Variants in TMC1 observed in about 807,000 individuals in gnomAD.
TMC1 encodes the protein transmembrane channel like 1, also known as transmembrane channel-like protein 1.
In TMC1, 84 loss-of-function variants were observed where a neutral mutation model predicts 105.8. The observed-to-expected ratio is 0.79, with a 90% CI of 0.67 to 0.95. The LOEUF is 0.95. Ranked by LOEUF, TMC1 falls within the 40% of genes least tolerant of loss-of-function variation. TMC1 has a pLI of 0.00. For synonymous variants in TMC1, 315 were observed against 311.5 expected (o/e 1.01, Z -0.12); for missense variants, 817 against 914.1 (o/e 0.89, Z 1.37).
At chr9:72,600,542 G>A (rs534470454) in intron 2 of TMC1, among the ~76,000 whole-genome samples, 4 of 152,132 alleles carry the variant, frequency 2.6e-5, no homozygotes, top group Admixed American at 6.5e-5. Flanking sequence ...GAATATGGTC[G>A]TTTGGTGTTA....
At chr9:72,737,605 A>T (rs1294842235) in intron 8 of TMC1, among the ~76,000 whole-genome samples, 1 of 152,148 alleles carries the variant, frequency 6.6e-6, no homozygotes, top group African/African-American at 2.4e-5. Flanking sequence ...ATAGAGACAG[A>T]TCCCAGAGAC....
chr9:72,690,942 A>T (rs1304230293), intron 6 of TMC1, among the ~76,000 whole-genome samples: 1 of 151,608 alleles, frequency 6.6e-6, no homozygotes, highest in Non-Finnish European at 1.5e-5. Flanking sequence ...CTCCTTCAGA[A>T]CTCCCATAGT....
At chr9:72,773,716 A>G (rs1407586412) in intron 13 of TMC1, among the ~76,000 whole-genome samples, 1 of 152,180 alleles carries the variant, frequency 6.6e-6, no homozygotes, top group Non-Finnish European at 1.5e-5. Flanking sequence ...CCTCATGAGT[A>G]TCATTTCTGT....
At chr9:72,619,406 G>A (rs1424081257) in intron 3 of TMC1, among the ~76,000 whole-genome samples, 1 of 152,094 alleles carries the variant, frequency 6.6e-6, no homozygotes, top group Non-Finnish European at 1.5e-5. Context: ...ACAATATGCT[G>A]TAAAACACAC....
chr9:72,649,258 T>C (rs1825763307), intron 5 of TMC1, among the ~76,000 whole-genome samples: 1 of 152,208 alleles, frequency 6.6e-6, no homozygotes, highest in Non-Finnish European at 1.5e-5. Context: ...ATGTGTGGCA[T>C]GTTCATTCAT....
chr9:72,658,822 T>G (rs1187033140), intron 5 of TMC1, among the ~76,000 whole-genome samples: 1 of 152,150 alleles, frequency 6.6e-6, no homozygotes, highest in Non-Finnish European at 1.5e-5. Context: ...CAAAAGGCCT[T>G]CGGGAAAATA....
intron 4 of TMC1, among the ~76,000 whole-genome samples, chr9:72,633,272 A>G (rs1460220431): frequency 1.3e-5 from 2 of 152,284 alleles, no homozygotes; most frequent in Non-Finnish European, 2.9e-5. Flanking sequence ...ATTTTTGTTA[A>G]CCAATTATTT....
intron 1 of TMC1, among the ~76,000 whole-genome samples, chr9:72,535,973 A>G (rs1164665432): frequency 2.0e-5 from 3 of 152,194 alleles, no homozygotes; most frequent in African/African-American, 7.2e-5. Context: ...CACCTCCAAC[A>G]TTGGGATAAA....
chr9:72,686,058 T>C (rs1484316123), intron 5 of TMC1, among the ~76,000 whole-genome samples: 2 of 152,356 alleles, frequency 1.3e-5, no homozygotes, highest in East Asian at 3.9e-4. Context: ...TTTTAATTAC[T>C]GAGTCTATCT....
chr9:72,522,410 T>A (rs574086298), intron 1 of TMC1, among the ~76,000 whole-genome samples: 1 of 152,222 alleles, frequency 6.6e-6, no homozygotes, highest in Non-Finnish European at 1.5e-5. Flanking sequence ...CTAATTGATA[T>A]GTTTAAATGT....
chr9:72,821,828 CAGAG>C (rs572858766), intron 20 of TMC1, among the ~76,000 whole-genome samples: 23 of 151,674 alleles, frequency 1.5e-4, no homozygotes, highest in Non-Finnish European at 2.8e-4. Context: ...GAGAGACAGA[CAGAG>C]AGAGAGAGAA....
chr9:72,553,658 A>G (rs147861820), intron 1 of TMC1, among the ~76,000 whole-genome samples: 262 of 152,210 alleles, frequency 1.7e-3, no homozygotes, highest in Non-Finnish European at 3.2e-3. Context: ...GCTTATTTTA[A>G]ATTTATCTCT....
intron 8 of TMC1, 154 bp downstream of exon 8, chr9:72,700,797 T>A (rs1826633770): frequency 6.9e-6 from 2 of 288,050 alleles, no homozygotes; most frequent in African/African-American, 2.3e-5. Flanking sequence ...GTATATATAG[T>A]ATATGTAATA....
intron 13 of TMC1, among the ~76,000 whole-genome samples, chr9:72,786,953 A>C (rs979093823): frequency 1.3e-5 from 2 of 152,044 alleles, no homozygotes; most frequent in African/African-American, 4.8e-5. Flanking sequence ...CATATTAATC[A>C]AATAAGTCAT....
Position 72,816,203 on chromosome 9 carries a change from A to T in TMC1, c.1756A>T (p.Met586Leu). ...CCTCGCTCTGATCTTCAACCAAGGC[A>T]TGATCTGGTAGGCCAGCTGTTGGAC... ...NVLALIFNQGMIWMGSFFAPS... is the reference protein window; with the variant it reads ...NVLALIFNQGLIWMGSFFAPS... The change falls in exon 19 of 24, where the codon ATG becomes TTG. Residue 586 changes from methionine (M) to leucine (L), a missense_variant. Transcript: ENST00000297784. 2 of 1,613,618 alleles carry T rather than the reference A, an allele frequency of 1.2e-6. No homozygotes were observed. Among genetic ancestry groups the T allele is most frequent in the Non-Finnish European group, 1.7e-6 (2 of 1,179,554 alleles).
chr9:72,715,567 C>T (rs1325142186), intron 8 of TMC1, among the ~76,000 whole-genome samples: 1 of 151,946 alleles, frequency 6.6e-6, no homozygotes, highest in African/African-American at 2.4e-5. Flanking sequence ...TATTCATACT[C>T]GTGTATGTTT....
intron 4 of TMC1, among the ~76,000 whole-genome samples, chr9:72,643,133 TTC>T (rs1825654665): frequency 6.6e-6 from 1 of 151,994 alleles, no homozygotes; most frequent in South Asian, 2.1e-4. Flanking sequence ...CTTCCTTCCT[TTC>T]TTTTTTTCTT....
chr9:72,675,448 GA>G (rs1430866020), intron 5 of TMC1, among the ~76,000 whole-genome samples: 2 of 151,814 alleles, frequency 1.3e-5, no homozygotes, highest in African/African-American at 2.4e-5. Flanking sequence ...CCATGTGAGG[GA>G]AAAAAAGGAT....
chr9:72,684,394 C>T (rs777135918), intron 5 of TMC1, among the ~76,000 whole-genome samples: 14 of 152,110 alleles, frequency 9.2e-5, no homozygotes, highest in East Asian at 5.8e-4. Flanking sequence ...ACTTATGATA[C>T]GTCTCTGATG....
Sources: allele counts gnomAD v4.1 joint callset (sites outside exome capture counted in the v4.1 genomes callset), GRCh38; gene constraint gnomAD v4.1.1; transcripts MANE v1.5; gene names NCBI Gene and HGNC (gene_info 2026-07-23, HGNC 2026-07-21).